SLC5A2: variants seen among roughly 807,000 people sequenced by gnomAD.
The protein encoded by SLC5A2 is solute carrier family 5 member 2.
A neutral mutation model predicts 69.0 loss-of-function variants in SLC5A2; 67 were observed. The ratio of observed to expected loss-of-function variants is 0.97; its 90% CI spans 0.80 to 1.19. The LOEUF (loss-of-function observed/expected upper bound fraction) is 1.19. Among genes scored for constraint, SLC5A2 ranks in the 50% most tolerant of loss-of-function variants. The probability of loss-of-function intolerance (pLI) is 0.00; values close to 1 mark genes in which losing one functional copy is unlikely to be tolerated. For missense variants in SLC5A2, 1,001 were observed against 921.5 expected, an observed-to-expected ratio of 1.09 and a Z score of -1.12; for synonymous variants, 455 against 395.8, an observed-to-expected ratio of 1.15 and a Z score of -1.78.
chr16:31,489,999 C>T, intron 12 of SLC5A2, 105 bp from the exon 13 acceptor site: 1 of 1,477,550 alleles, frequency 6.8e-7, no homozygotes, highest in Non-Finnish European at 9.3e-7. Flanking sequence ...GTAGACTGGA[C>T]AGAGGTGGGT....
chr16:31,489,486 G>A, intron 12 of SLC5A2, 148 bp downstream of exon 12: 1 of 719,848 alleles, frequency 1.4e-6, no homozygotes, highest in Non-Finnish European at 2.4e-6. Context: ...TGCCGAGCAA[G>A]AATTTTTATT....
Position 31,488,505 on chromosome 16 carries a change from G to C in SLC5A2, c.1129+15G>C, listed in dbSNP as rs778844446. On this transcript the variant is annotated intron_variant, in intron 9 of 13. Coordinates refer to ENST00000330498, the MANE Select transcript of SLC5A2 (RefSeq NM_003041.4). ...CATGCCCAACGGTAAGGGCAGCCCC[G>C]GGCCACAGGCGCAAGCTCGCTGCGG... 63 of 1,604,044 alleles carry C rather than the reference G, an allele frequency of 3.9e-5. No individual in the cohort carries two copies. In the African/African-American group the frequency reaches 6.8e-4, roughly 17 times the overall value.
chr16:31,486,162 C>T lies in SLC5A2; in HGVS notation c.469-8C>T. 1.2e-6 allele frequency: 2 copies of T among 1,608,168 alleles called. No individual in the cohort carries two copies. The highest frequency in any genetic ancestry group is 1.7e-4 in the Middle Eastern group (1 of 6,044). On this transcript the variant is annotated splice_polypyrimidine_tract_variant and splice_region_variant and intron_variant, in intron 4 of 13. Transcript: ENST00000330498. ...GGGTCCTGACCTGGCACTTGCTTCT[C>T]CCCCAAGGTGGACATGTTCTCCGGA...
intron 12 of SLC5A2, 66 bp from the exon 13 acceptor site, chr16:31,490,038 A>C: frequency 6.2e-7 from 1 of 1,607,130 alleles, no homozygotes; most frequent in Non-Finnish European, 8.5e-7. Flanking sequence ...CTGGTGTGCA[A>C]GAGACTTTAG....
rs758796529 is a variant in SLC5A2 at position 31,489,354 on chromosome 16, C to T, written c.1665+16C>T. On this transcript the variant is annotated intron_variant, in intron 12 of 13. Transcript: ENST00000330498. ...CAGAAAGCACGTGAGTGGCCAGGTG[C>T]CCCAGGCAAGCACTGTGGGACACAG... 4.4e-6 allele frequency: 7 copies of T among 1,601,186 alleles called. No individual in the cohort carries two copies. In the East Asian group the frequency reaches 8.9e-5, roughly 20 times the overall value.
At chr16:31,485,347 G>A (rs1289577099) in intron 3 of SLC5A2, 1 of 444,304 alleles carries the variant, frequency 2.3e-6, no homozygotes, top group Non-Finnish European at 4.2e-6. Context: ...GGGGAGATTG[G>A]GCTTTGAGCT....
chr16:31,485,129 T>G, intron 3 of SLC5A2: 1 of 654,720 alleles, frequency 1.5e-6, no homozygotes, highest in Non-Finnish European at 2.8e-6. Flanking sequence ...TGCTTCTGAC[T>G]TGCCATGTGA....
Position 31,490,601 on chromosome 16 carries a change from C to A in SLC5A2, c.*66C>A. ...AAGTGGGGGTGAGGAGCCTGCGGTG[C>A]TCCCCAGAAAAGGGGAAGGGGCAGT... On this transcript the variant is annotated 3_prime_UTR_variant, in exon 14 of 14. Transcript: ENST00000330498. 1.4e-6 allele frequency: 2 copies of A among 1,386,100 alleles called. No homozygotes were observed. The highest frequency in any genetic ancestry group is 2.0e-6 in the Non-Finnish European group (2 of 992,150). The allele number at this position is 1,386,100 out of a possible 1,614,324, so 85.9% of individuals were successfully genotyped here. A position where few individuals can be genotyped will look rare whatever the true frequency, so the allele number is the denominator to read the frequency against.
At position 31,484,805 on chromosome 16, in the gene SLC5A2, C is replaced by G; in HGVS notation, c.199-14C>G. The G allele has an allele frequency of 6.2e-7, 1 of 1,612,622 alleles. No homozygotes were observed. The highest frequency in any genetic ancestry group is 8.5e-7 in the Non-Finnish European group (1 of 1,179,992). On this transcript the variant is annotated splice_polypyrimidine_tract_variant and intron_variant, in intron 2 of 13. Transcript: ENST00000330498. ...GAGAAGCAGCCCTGCTCACTCCCTC[C>G]TCTGGCCACCCAGGTTGGGGCCTCT... is the stretch of plus-strand genomic sequence containing the variant.
chr16:31,490,034 T>A, intron 12 of SLC5A2, 70 bp from the exon 13 acceptor site: 1 of 1,604,066 alleles, frequency 6.2e-7, no homozygotes, highest in Non-Finnish European at 8.5e-7. Context: ...CGAGCTGGTG[T>A]GCAAGAGACT....
In SLC5A2 at chr16:31,489,119, G is replaced by T; in HGVS notation, c.1450-4G>T. 1 of 1,607,288 alleles carries T rather than the reference G, an allele frequency of 6.2e-7. No individual in the cohort carries two copies. The highest frequency in any genetic ancestry group is 8.5e-7 in the Non-Finnish European group (1 of 1,179,950). ...CTCAGCAGGCTGACCTGTTTCCTTC[G>T]CAGGGCGCCTTCTGGGGACTCATCG... On this transcript the variant is annotated splice_region_variant and splice_polypyrimidine_tract_variant and intron_variant, in intron 11 of 13. Transcript: ENST00000330498.
At position 31,490,219 on chromosome 16, in the gene SLC5A2, T is replaced by C. The variant is rs1350207492; in HGVS notation, c.1781T>C (p.Met594Thr). The C allele has an allele frequency of 3.1e-6, 5 of 1,613,386 alleles. No individual in the cohort carries two copies. Among genetic ancestry groups the C allele is most frequent in the Admixed American group, 1.7e-5 (1 of 60,004 alleles). Residue 594 changes from methionine (M) to threonine (T), a missense_variant, in exon 13 of 14, where the codon ATG becomes ACG. Physicochemically the swap from Met to Thr is moderately conservative, Grantham distance 81. Coordinates refer to ENST00000330498, the MANE Select transcript of SLC5A2 (RefSeq NM_003041.4). ...PVQNGCPESAMEMNEPQAPAP... is the reference protein window; with the variant it reads ...PVQNGCPESATEMNEPQAPAP... ...CAGAATGGGTGCCCAGAGAGTGCCA[T>C]GGAGATGAATGGTAGGGCACCATGC...
chr16:31,488,461 C>A lies in SLC5A2; in HGVS notation c.1100C>A (p.Pro367Gln). 6.2e-7 allele frequency: 1 copy of A among 1,610,084 alleles called. No homozygotes were observed. Among genetic ancestry groups the A allele is most frequent in the Non-Finnish European group, 8.5e-7 (1 of 1,179,206 alleles). The change falls in exon 9 of 14, where the codon CCG becomes CAG. Residue 367 changes from proline to glutamine, a missense_variant. By Grantham distance (76) the Pro-to-Gln change is moderately conservative. Coordinates refer to ENST00000330498, the MANE Select transcript of SLC5A2 (RefSeq NM_003041.4). The part of the protein sequence containing the change: ...TEVGCSNIAY[P>Q]RLVVKLMPNG... ...GTGGGCTGCTCCAACATCGCCTACC[C>A]GCGGCTCGTCGTGAAGCTCATGCCC...
rs1435898442 is a variant in SLC5A2 at position 31,490,340 on chromosome 16, C to T, written c.1824C>T (p.Arg608=). 3.1e-6 allele frequency: 5 copies of T among 1,612,598 alleles called. 1 individual carries two copies. The South Asian group carries it at 5.5e-5, about 18-fold the overall frequency. The part of the protein sequence containing the change: ...EPQAPAPSLF[R]QCLLWFCGMS... ...AGGCCCCGGCACCAAGCCTCTTCCG[C>T]CAGTGCCTGCTCTGGTTTTGTGGAA... Residue 608 remains arginine (R), a synonymous_variant, in exon 14 of 14, where the codon CGC becomes CGT. Transcript: ENST00000330498.
At chr16:31,484,252 A>ACGCG (rs1190406504) in intron 1 of SLC5A2, among the ~76,000 whole-genome samples, 2 of 150,516 alleles carry the variant, frequency 1.3e-5, no homozygotes, top group African/African-American at 2.5e-5. Context: ...ACACACACAC[A>ACGCG]CACACGCACA....
intron 12 of SLC5A2, 198 bp from the exon 13 acceptor site, chr16:31,489,906 G>T: frequency 1.5e-6 from 1 of 679,470 alleles, no homozygotes; most frequent in Non-Finnish European, 2.6e-6. Context: ...TTAAACACAA[G>T]CTCAGGGGCT....
rs2082480198 is a variant in SLC5A2, at chr16:31,484,579, T to C, written c.127-94T>C. The C allele has an allele frequency of 3.6e-6, 5 of 1,388,908 alleles. 1 individual carries two copies. In the East Asian group the frequency reaches 1.1e-4, roughly 32 times the overall value. 86.0% of individuals were successfully genotyped at this position (1,388,908 alleles called of 1,614,324 possible). A position where few individuals can be genotyped will look rare whatever the true frequency, so the allele number is the denominator to read the frequency against. ...TCAGGGAAACTTGGCTCGTTAATCT[T>C]CAGCCAGAAACAAGGCTGAGGAATG... On this transcript the variant is annotated intron_variant, in intron 1 of 13. Coordinates refer to ENST00000330498, the MANE Select transcript of SLC5A2 (RefSeq NM_003041.4).
At position 31,488,894 on chromosome 16, in the gene SLC5A2, T is replaced by C. The variant is rs752111596; in HGVS notation, c.1295T>C (p.Phe432Ser). ...CTCCGCCGCAGGCTCTGGGTGGTGTTCATCGTGGTAGTGTCGGTGGCCTGG... is the reference window on the plus strand; with the variant it reads ...CTCCGCCGCAGGCTCTGGGTGGTGTCCATCGTGGTAGTGTCGGTGGCCTGG... Reference protein sequence around the residue: ...LLLVGRLWVVFIVVVSVAWLP... With the variant: ...LLLVGRLWVVSIVVVSVAWLP... The change falls in exon 11 of 14, where the codon TTC becomes TCC. Residue 432 changes from phenylalanine to serine, a missense_variant. Coordinates refer to ENST00000330498, the MANE Select transcript of SLC5A2 (RefSeq NM_003041.4). 3.1e-6 allele frequency: 5 copies of C among 1,605,538 alleles called. No individual in the cohort carries two copies. The highest frequency in any genetic ancestry group is 4.2e-6 in the Non-Finnish European group (5 of 1,179,834).
rs2082558567 is a variant in SLC5A2, at chr16:31,490,641, C to T, written c.*106C>T. On this transcript the variant is annotated 3_prime_UTR_variant, in exon 14 of 14. Coordinates refer to ENST00000330498, the MANE Select transcript of SLC5A2 (RefSeq NM_003041.4). ...GAAGGGGCAGTGGGGTGAGAAGGTC[C>T]TGGCTCCCCTTCTCCCGGCCTTCCT... is the stretch of plus-strand genomic sequence containing the variant. 1.8e-6 allele frequency: 2 copies of T among 1,135,308 alleles called. No individual in the cohort carries two copies. Among genetic ancestry groups the T allele is most frequent in the African/African-American group, 1.5e-5 (1 of 65,472 alleles). The allele number at this position is 1,135,308 out of a possible 1,614,324, so 70.3% of individuals were successfully genotyped here. A position where few individuals can be genotyped will look rare whatever the true frequency, so the allele number is the denominator to read the frequency against.
Sources: allele counts gnomAD v4.1 joint callset (sites outside exome capture counted in the v4.1 genomes callset), GRCh38; gene constraint gnomAD v4.1.1; transcripts MANE v1.5; gene names NCBI Gene and HGNC (gene_info 2026-07-23, HGNC 2026-07-21).